BFSP1: variants seen among roughly 807,000 people sequenced by gnomAD.
BFSP1 encodes filensin.
Under a neutral mutation model 43.9 loss-of-function variants are expected in BFSP1, and 38 were observed. The observed-to-expected ratio is 0.87, with a 90% CI of 0.67 to 1.14. The LOEUF (loss-of-function observed/expected upper bound fraction) is 1.14. BFSP1 is among the 50% of genes most tolerant of loss of function. BFSP1 has a pLI of 0.00. For synonymous variants in BFSP1, 352 were observed against 354.8 expected, an observed-to-expected ratio of 0.99 and a Z score of 0.09; for missense variants, 850 against 875.1, an observed-to-expected ratio of 0.97 and a Z score of 0.36.
chr20:17,495,227 G>A (rs56274255), intron 7 of BFSP1, among the ~76,000 whole-genome samples, 198 bp from the exon 8 acceptor site: 16 of 152,312 alleles, frequency 1.1e-4, no homozygotes, highest in African/African-American at 1.2e-4. Flanking sequence ...GGTCCAGCTG[G>A]GCGACTCTGG....
chr20:17,559,917 G>A (rs577053481), upstream of BFSP1, among the ~76,000 whole-genome samples: 16 of 151,980 alleles, frequency 1.1e-4, no homozygotes, highest in Non-Finnish European at 1.9e-4. Flanking sequence ...ATACCTCACC[G>A]AAGGACTGGC....
intron 2 of BFSP1, among the ~76,000 whole-genome samples, chr20:17,518,628 A>G (rs1039712658): frequency 2.0e-4 from 30 of 152,210 alleles, no homozygotes; most frequent in African/African-American, 7.0e-4. Flanking sequence ...CCCTTTCATA[A>G]GAGAAATGGT....
chr20:17,517,549 G>T (rs149755356), intron 2 of BFSP1, among the ~76,000 whole-genome samples: 1,569 of 152,248 alleles, frequency 0.01, 33 homozygotes, highest in African/African-American at 0.036. Flanking sequence ...CTCCCAAAGT[G>T]CTGGGATTAC....
At chr20:17,533,566 A>C (rs1362589017), upstream of BFSP1, among the ~76,000 whole-genome samples, 1 of 152,184 alleles carries the variant, frequency 6.6e-6, no homozygotes, top group Non-Finnish European at 1.5e-5. Flanking sequence ...CCAGCCACAC[A>C]AGCTCATCCC....
At chr20:17,567,279 T>C (rs1190558384) in intron 1 of BFSP1, among the ~76,000 whole-genome samples, 1 of 152,158 alleles carries the variant, frequency 6.6e-6, no homozygotes, top group African/African-American at 2.4e-5. Flanking sequence ...CAGATACTGG[T>C]TCACTTATTC....
In BFSP1 at chr20:17,508,918, G is replaced by A; in HGVS notation, c.706C>T (p.Gln236Ter). 6.2e-7 allele frequency: 1 copy of A among 1,604,554 alleles called. No individual in the cohort carries two copies. The highest frequency in any genetic ancestry group is 1.1e-5 in the South Asian group (1 of 89,040). Residue 236 changes from glutamine to a stop codon, truncating the protein, a stop_gained, in exon 5 of 8, where the codon CAG becomes TAG. Coordinates refer to ENST00000377873, the MANE Select transcript of BFSP1 (RefSeq NM_001195.5). LOFTEE classifies it high-confidence loss of function. ...EEGREVLSHL[Q>*]AQRVELQAQT... ...GCCTGCAGCTCCACTCTCTGCGCCT[G>A]CAGGTGGGAGAGCACCTCCCGGCCC...
intron 6 of BFSP1, 56 bp downstream of exon 6, chr20:17,498,764 T>C (rs1203169210): frequency 1.3e-6 from 2 of 1,568,144 alleles, no homozygotes; most frequent in East Asian, 2.3e-5. Flanking sequence ...CAATAGGCAC[T>C]CAATAAAGAG....
rs554796527 is a variant in BFSP1, at chr20:17,512,311, G to A, written c.535-243C>T. Among the ~76,000 whole-genome samples, 35 of 152,252 alleles carry A rather than the reference G, an allele frequency of 2.3e-4. No homozygotes were observed. The East Asian group carries it at 3.1e-3, about 13-fold the overall frequency. ...CCTTTAATCTTCACAAGAACAACGG[G>A]GCCGATGAATAAACTAAGACTTGCC... is the stretch of plus-strand genomic sequence containing the variant. On this transcript the variant is annotated intron_variant, in intron 3 of 7. Transcript: ENST00000377873.
In BFSP1 at chr20:17,507,496, T is replaced by C; in HGVS notation, c.735+1393A>G. On this transcript the variant is annotated intron_variant, in intron 5 of 7. Coordinates refer to ENST00000377873, the MANE Select transcript of BFSP1 (RefSeq NM_001195.5). This position sits in a 1 kb window ranked among gnomAD's most constrained non-coding sequence, Gnocchi z 4.4. Reference sequence around the variant, plus strand: ...CCAAAAATGAGTTGTCACTAGCCATTTGGAAAACACTGGTCTCTAGGACCA... The same window carrying C: ...CCAAAAATGAGTTGTCACTAGCCATCTGGAAAACACTGGTCTCTAGGACCA... Among the ~76,000 whole-genome samples, 1 of 152,080 alleles carries C rather than the reference T, an allele frequency of 6.6e-6. No homozygotes were observed. The highest frequency in any genetic ancestry group is 1.9e-4 in the East Asian group (1 of 5,190).
rs1361440672 is a variant in BFSP1, at chr20:17,515,202, C to T, written c.439-386G>A. On this transcript the variant is annotated intron_variant, in intron 2 of 7. Transcript: ENST00000377873. ...CACAACCCTGCACACAAGGAATTCCCTTGCCTAAAGGGTCAATACAGCCAG... is the reference window on the plus strand; with the variant it reads ...CACAACCCTGCACACAAGGAATTCCTTTGCCTAAAGGGTCAATACAGCCAG... Among the ~76,000 whole-genome samples, 3 of 152,192 alleles carry T rather than the reference C, an allele frequency of 2.0e-5. No homozygotes were observed. In the East Asian group the frequency reaches 5.8e-4, roughly 29 times the overall value.
chr20:17,541,688 C>T (rs1280310821), intron 1 of BFSP1, among the ~76,000 whole-genome samples: 1 of 152,198 alleles, frequency 6.6e-6, no homozygotes, highest in Non-Finnish European at 1.5e-5. Flanking sequence ...CAGGCATCCT[C>T]AATGGCTGTG....
At chr20:17,496,385 A>T (rs2033631371) in intron 7 of BFSP1, among the ~76,000 whole-genome samples, 1 of 152,206 alleles carries the variant, frequency 6.6e-6, no homozygotes, top group African/African-American at 2.4e-5. Context: ...GTGAGGTCTT[A>T]CAGACCAAAT....
At chr20:17,502,725 C>T (rs1430995946) in intron 5 of BFSP1, among the ~76,000 whole-genome samples, 1 of 152,164 alleles carries the variant, frequency 6.6e-6, no homozygotes, top group East Asian at 1.9e-4. Context: ...CCTGTTTCAG[C>T]TAGTGTGATC....
At chr20:17,497,691 TAC>T (rs1600631240) in intron 6 of BFSP1, among the ~76,000 whole-genome samples, 2 of 151,006 alleles carry the variant, frequency 1.3e-5, no homozygotes, top group African/African-American at 4.9e-5. Flanking sequence ...CATATACATG[TAC>T]ACACACACAT....
At chr20:17,551,462 T>C in intron 1 of BFSP1, among the ~76,000 whole-genome samples, 1 of 152,206 alleles carries the variant, frequency 6.6e-6, no homozygotes, top group Non-Finnish European at 1.5e-5. Context: ...AGGCCCCTCT[T>C]CTAACATTGG....
At chr20:17,502,778 C>G (rs917467298) in intron 5 of BFSP1, among the ~76,000 whole-genome samples, 1 of 152,166 alleles carries the variant, frequency 6.6e-6, no homozygotes, top group Non-Finnish European at 1.5e-5. Context: ...AAACAGTCGC[C>G]TGTAATAGCA....
At chr20:17,522,044 C>G (rs2034329334) in intron 2 of BFSP1, among the ~76,000 whole-genome samples, 1 of 152,166 alleles carries the variant, frequency 6.6e-6, no homozygotes, top group South Asian at 2.1e-4. Context: ...TCAGGGTGTT[C>G]AGCGTGTCTG....
intron 5 of BFSP1, among the ~76,000 whole-genome samples, chr20:17,499,875 C>T (rs1364929178): frequency 6.6e-6 from 1 of 152,064 alleles, no homozygotes; most frequent in African/African-American, 2.4e-5. Context: ...GAGCCAAGAC[C>T]ACACCATTGC....
intron 6 of BFSP1, among the ~76,000 whole-genome samples, chr20:17,497,336 GT>G (rs2033658296): frequency 6.6e-6 from 1 of 151,120 alleles, no homozygotes; most frequent in African/African-American, 2.4e-5. Context: ...TTTGCCTTTT[GT>G]TTTTTTGCCT....
Sources: gnomAD v4.1 joint callset for allele counts (sites outside exome capture counted in the v4.1 genomes callset) on GRCh38, gnomAD v4.1.1 for gene constraint, Gnocchi (gnomAD v3.1) non-coding constraint, MANE v1.5 for transcripts, NCBI Gene and HGNC (gene_info 2026-07-23, HGNC 2026-07-21) for gene names.